The following COL24A1 variants were observed in gnomAD, a reference collection of about 807,000 sequenced individuals.
COL24A1 encodes the protein collagen type XXIV alpha 1 chain, also known as collagen alpha-1(XXIV) chain.
Under a neutral mutation model 253.9 loss-of-function variants are expected in COL24A1, and 224 were observed. That is an observed-to-expected ratio of 0.88 (90% CI 0.79 to 0.99). COL24A1 has a LOEUF of 0.99. Among genes scored for constraint, COL24A1 ranks in the 50% least tolerant of loss-of-function variants. The pLI, the probability that COL24A1 is intolerant of heterozygous loss-of-function variation, is 0.00. For synonymous variants in COL24A1, 685 were observed against 673.7 expected (o/e 1.02, Z -0.26); for missense variants, 2,131 against 2,068.5 (o/e 1.03, Z -0.59).
chr1:85,792,441 C>T (rs1366493739), intron 47 of COL24A1, among the ~76,000 whole-genome samples: 1 of 149,478 alleles, frequency 6.7e-6, no homozygotes, highest in African/African-American at 2.5e-5. Context: ...AACCCCAGCA[C>T]TTTGGTAGAG....
At chr1:85,844,836 GC>G (rs1676998040) in intron 39 of COL24A1, among the ~76,000 whole-genome samples, 1 of 151,788 alleles carries the variant, frequency 6.6e-6, no homozygotes, top group African/African-American at 2.4e-5. Context: ...ATAACATTTG[GC>G]TCAGATTGTT....
chr1:86,126,421 C>T (rs1170877578), intron 2 of COL24A1, among the ~76,000 whole-genome samples: 2 of 151,838 alleles, frequency 1.3e-5, no homozygotes, highest in African/African-American at 4.8e-5. Context: ...AAAGTACATG[C>T]CCCTCCCCCT....
chr1:85,890,200 T>C (rs920626345), intron 31 of COL24A1, among the ~76,000 whole-genome samples: 9 of 152,198 alleles, frequency 5.9e-5, no homozygotes, highest in African/African-American at 7.2e-5. Context: ...AATGCGGCTA[T>C]TAACATGGGT....
At chr1:85,818,473 G>A (rs760502608) in intron 45 of COL24A1, among the ~76,000 whole-genome samples, 1 of 152,124 alleles carries the variant, frequency 6.6e-6, no homozygotes, top group Admixed American at 6.6e-5. Context: ...TCTGTCATGC[G>A]CTTGGAAGGC....
At chr1:85,758,560 C>A (rs1426538698) in intron 55 of COL24A1, among the ~76,000 whole-genome samples, 1 of 152,146 alleles carries the variant, frequency 6.6e-6, no homozygotes, top group East Asian at 1.9e-4. Context: ...TTCAAATTCA[C>A]CATCAATACA....
chr1:86,119,475 T>C (rs956423495), intron 3 of COL24A1, among the ~76,000 whole-genome samples: 7 of 152,128 alleles, frequency 4.6e-5, no homozygotes, highest in Admixed American at 1.3e-4. Context: ...TTTTTTATGT[T>C]CTACAACCAG....
intron 5 of COL24A1, among the ~76,000 whole-genome samples, chr1:86,095,377 T>C (rs2101998274): frequency 1.3e-5 from 2 of 152,214 alleles, no homozygotes; most frequent in East Asian, 3.9e-4. Context: ...TACACAAATA[T>C]GATTGAGTTA....
At chr1:86,136,626 G>A (rs1314361517) in intron 2 of COL24A1, among the ~76,000 whole-genome samples, 1 of 152,006 alleles carries the variant, frequency 6.6e-6, no homozygotes, top group East Asian at 1.9e-4. Context: ...TCACACAGCT[G>A]ATAAATGGTA....
At chr1:85,969,289 T>C (rs1691879493) in intron 22 of COL24A1, among the ~76,000 whole-genome samples, 1 of 152,032 alleles carries the variant, frequency 6.6e-6, no homozygotes, top group Admixed American at 6.6e-5. Flanking sequence ...CACAGTCTTT[T>C]TAAACGTAAA....
Position 85,859,737 on chromosome 1 carries a change from TG to T in COL24A1, c.3300+8781del, listed in dbSNP as rs369334185. Among the ~76,000 whole-genome samples the T allele has an allele frequency of 1.3e-4, 20 of 152,322 alleles. No homozygotes were observed. The East Asian group carries it at 3.5e-3, about 26-fold the overall frequency. ...TTAACATTGCCCACTGCAACCCATT[TG>T]TGTATCTAGAGGTTTGCAGGGCATA... is the stretch of plus-strand genomic sequence containing the variant. On this transcript the variant is annotated intron_variant, in intron 37 of 59. Transcript: ENST00000370571.
At chr1:85,757,985 G>T (rs1666440433) in intron 55 of COL24A1, among the ~76,000 whole-genome samples, 1 of 152,116 alleles carries the variant, frequency 6.6e-6, no homozygotes, top group African/African-American at 2.4e-5. Flanking sequence ...AGAGAATAAA[G>T]ATTGATTATA....
At chr1:85,762,111 T>C (rs146619720) in intron 53 of COL24A1, among the ~76,000 whole-genome samples, 22 of 152,298 alleles carry the variant, frequency 1.4e-4, no homozygotes, top group African/African-American at 5.1e-4. Flanking sequence ...TGTCAAAAGT[T>C]ATGTTGACAT....
intron 8 of COL24A1, among the ~76,000 whole-genome samples, chr1:86,062,878 A>G (rs957504100): frequency 6.6e-6 from 1 of 152,202 alleles, no homozygotes; most frequent in African/African-American, 2.4e-5. Flanking sequence ...ATGAAAGGGA[A>G]AATTGGCTTT....
intron 24 of COL24A1, among the ~76,000 whole-genome samples, chr1:85,946,878 T>A (rs1427629196): frequency 6.6e-6 from 1 of 152,226 alleles, no homozygotes; most frequent in South Asian, 2.1e-4. Flanking sequence ...TTCTTAACTG[T>A]TCTGTGTTCT....
chr1:85,816,677 G>T lies in COL24A1; in HGVS notation c.3951+111C>A, dbSNP rs1038824396. Reference sequence around the variant, plus strand: ...TAATAGCTATTAGAGAAATGAACTGGCTTAATCTGAGCCAATGCCAAAGCT... The same window carrying T: ...TAATAGCTATTAGAGAAATGAACTGTCTTAATCTGAGCCAATGCCAAAGCT... On this transcript the variant is annotated intron_variant, in intron 47 of 59. Coordinates refer to ENST00000370571, the MANE Select transcript of COL24A1 (RefSeq NM_152890.7). The T allele has an allele frequency of 1.8e-5, 15 of 851,178 alleles. No homozygotes were observed. The African/African-American group carries it at 2.5e-4, about 14-fold the overall frequency. The allele number at this position is 851,178 out of a possible 1,614,324, so 52.7% of individuals were successfully genotyped here.
At chr1:86,112,057 A>G (rs1557671625) in intron 5 of COL24A1, among the ~76,000 whole-genome samples, 1 of 152,180 alleles carries the variant, frequency 6.6e-6, no homozygotes, top group Non-Finnish European at 1.5e-5. Context: ...CGGACACAAT[A>G]TGACTATCAT....
chr1:85,857,903 T>A (rs1162128462), intron 37 of COL24A1, among the ~76,000 whole-genome samples: 1 of 152,206 alleles, frequency 6.6e-6, no homozygotes, highest in Non-Finnish European at 1.5e-5. Flanking sequence ...TATTTGCACA[T>A]CTGTAAGTAC....
rs116107922 is a variant in COL24A1, at chr1:85,994,472, C to T, written c.2311-6818G>A. Among the ~76,000 whole-genome samples, 1,281 of 147,912 alleles carry T rather than the reference C, an allele frequency of 8.7e-3. 17 individuals are homozygous for T. The highest frequency in any genetic ancestry group is 0.029 in the African/African-American group (1,171 of 40,220). On this transcript the variant is annotated intron_variant, in intron 19 of 59. Coordinates refer to ENST00000370571, the MANE Select transcript of COL24A1 (RefSeq NM_152890.7). Reference sequence around the variant, plus strand: ...AGGACTGAAATTTTACATATTCAAACGAGTAAGAATGTATGCAGAGGGAGA... The same window carrying T: ...AGGACTGAAATTTTACATATTCAAATGAGTAAGAATGTATGCAGAGGGAGA...
chr1:86,126,980 T>TA (rs1408262125), intron 2 of COL24A1, among the ~76,000 whole-genome samples: 2 of 152,090 alleles, frequency 1.3e-5, no homozygotes, highest in African/African-American at 2.4e-5. Flanking sequence ...CACGATCCCT[T>TA]AAAGTATAAT....
Sources: gnomAD v4.1 joint callset for allele counts (sites outside exome capture counted in the v4.1 genomes callset) on GRCh38, gnomAD v4.1.1 for gene constraint, MANE v1.5 for transcripts, NCBI Gene and HGNC (gene_info 2026-07-23, HGNC 2026-07-21) for gene names.